Variants in REC114 observed in about 807,000 individuals in gnomAD.
REC114 encodes REC114 meiotic recombination protein.
A neutral mutation model predicts 31.3 loss-of-function variants in REC114; 27 were observed. The ratio of observed to expected loss-of-function variants is 0.86; its 90% CI spans 0.64 to 1.19. The LOEUF (loss-of-function observed/expected upper bound fraction) is 1.19, where lower values mean the gene tolerates loss of function less well. Ranked by LOEUF, REC114 falls within the 50% of genes most tolerant of loss-of-function variation. The pLI is 0.00. For missense variants in REC114, 344 were observed against 326.9 expected, an observed-to-expected ratio of 1.05 and a Z score of -0.40; for synonymous variants, 134 against 127.7, an observed-to-expected ratio of 1.05 and a Z score of -0.33.
At chr15:73,551,965 TATAA>T (rs1894399173) in intron 4 of REC114, among the ~76,000 whole-genome samples, 3 of 152,222 alleles carry the variant, frequency 2.0e-5, no homozygotes, top group Non-Finnish European at 4.4e-5. Flanking sequence ...TTTACTTGTT[TATAA>T]GTAATTACCT....
intron 3 of REC114, among the ~76,000 whole-genome samples, chr15:73,544,631 T>G (rs1894283912): frequency 1.3e-5 from 2 of 152,192 alleles, no homozygotes; most frequent in Admixed American, 6.5e-5. Flanking sequence ...ACAACCACTG[T>G]CCTCTTTACT....
At chr15:73,513,999 T>C (rs1054565326) in intron 2 of REC114, among the ~76,000 whole-genome samples, 127 of 152,136 alleles carry the variant, frequency 8.3e-4, no homozygotes, top group African/African-American at 2.9e-3. Context: ...GGCTGCTTTG[T>C]TTACCTAAGC....
At chr15:73,470,073 A>T in intron 1 of REC114, among the ~76,000 whole-genome samples, 1 of 151,992 alleles carries the variant, frequency 6.6e-6, no homozygotes, top group East Asian at 1.9e-4. Flanking sequence ...TTTTTTATCC[A>T]ATCTGACAAC....
intron 2 of REC114, among the ~76,000 whole-genome samples, chr15:73,479,152 G>A (rs993492144): frequency 8.6e-5 from 13 of 150,896 alleles, no homozygotes; most frequent in Non-Finnish European, 1.6e-4. Flanking sequence ...TAGGGGGAAA[G>A]CATTTAGTCT....
At chr15:73,450,612 A>G (rs996207949) in intron 1 of REC114, among the ~76,000 whole-genome samples, 6 of 152,202 alleles carry the variant, frequency 3.9e-5, no homozygotes, top group African/African-American at 1.4e-4. Flanking sequence ...CAGGACTTGA[A>G]CTCAGCTCTG....
At chr15:73,531,333 T>G (rs915816486) in intron 2 of REC114, among the ~76,000 whole-genome samples, 8 of 152,322 alleles carry the variant, frequency 5.3e-5, no homozygotes, top group African/African-American at 1.9e-4. Context: ...GCATCCATTT[T>G]CTTAGGTACT....
chr15:73,460,157 C>A (rs1892970813), intron 1 of REC114, among the ~76,000 whole-genome samples: 1 of 152,018 alleles, frequency 6.6e-6, no homozygotes, highest in Non-Finnish European at 1.5e-5. Flanking sequence ...TAAACAAAAT[C>A]TTAATTTTAT....
chr15:73,447,688 T>C (rs1007079172), intron 1 of REC114, among the ~76,000 whole-genome samples: 16 of 150,012 alleles, frequency 1.1e-4, no homozygotes, highest in African/African-American at 3.9e-4. Context: ...AATAAATAAA[T>C]AGGAAAATAC....
chr15:73,469,834 G>A (rs577872807), intron 1 of REC114, among the ~76,000 whole-genome samples: 16 of 151,892 alleles, frequency 1.1e-4, no homozygotes, highest in Non-Finnish European at 1.9e-4. Flanking sequence ...ACAGGTGCCC[G>A]CCACCATGCC....
At chr15:73,556,260 T>C in intron 4 of REC114, 42 bp from the exon 5 acceptor site, 2 of 1,532,836 alleles carry the variant, frequency 1.3e-6, no homozygotes, top group Non-Finnish European at 1.8e-6. Context: ...TATTTAAGAT[T>C]ACATTCAGCT....
At chr15:73,554,615 T>C (rs1413704421) in intron 4 of REC114, among the ~76,000 whole-genome samples, 1 of 152,148 alleles carries the variant, frequency 6.6e-6, no homozygotes, top group East Asian at 1.9e-4. Context: ...GGGAGGGGGA[T>C]GGGAAAGACA....
At chr15:73,471,819 A>C (rs1567857565) in intron 1 of REC114, among the ~76,000 whole-genome samples, 1 of 152,234 alleles carries the variant, frequency 6.6e-6, no homozygotes, top group Non-Finnish European at 1.5e-5. Flanking sequence ...TCATCATAGA[A>C]GGTATTCAAG....
chr15:73,525,486 T>C (rs1424281516), intron 2 of REC114, among the ~76,000 whole-genome samples: 1 of 152,084 alleles, frequency 6.6e-6, no homozygotes, highest in Non-Finnish European at 1.5e-5. Context: ...TAAGCTTTCC[T>C]TTGAGTACTA....
intron 2 of REC114, among the ~76,000 whole-genome samples, chr15:73,514,146 G>A (rs1235916258): frequency 1.3e-5 from 2 of 151,898 alleles, no homozygotes; most frequent in African/African-American, 2.4e-5. Flanking sequence ...TAGTCTCGTG[G>A]TGCGCCGTTT....
At chr15:73,509,360 G>A (rs1044221496) in intron 2 of REC114, among the ~76,000 whole-genome samples, 2 of 149,740 alleles carry the variant, frequency 1.3e-5, no homozygotes, top group Non-Finnish European at 2.9e-5. Flanking sequence ...CAGATGAGTA[G>A]GTTGCCAAAA....
At chr15:73,494,798 T>G (rs1893496034) in intron 2 of REC114, among the ~76,000 whole-genome samples, 1 of 152,206 alleles carries the variant, frequency 6.6e-6, no homozygotes, top group East Asian at 1.9e-4. Flanking sequence ...ACACTCTAAT[T>G]GGGTAGCTAA....
At chr15:73,531,995 TTTTA>T (rs1024138108) in intron 2 of REC114, among the ~76,000 whole-genome samples, 22 of 149,420 alleles carry the variant, frequency 1.5e-4, no homozygotes, top group East Asian at 2.0e-4. Context: ...TTTTTTTTTT[TTTTA>T]ATACTTTAAG....
intron 3 of REC114, among the ~76,000 whole-genome samples, chr15:73,546,217 A>G: frequency 6.6e-6 from 1 of 152,222 alleles, no homozygotes; most frequent in East Asian, 1.9e-4. Flanking sequence ...TATGTTGACA[A>G]AAATTTAAAA....
At position 73,555,526 on chromosome 15, in the gene REC114, G is replaced by A. The variant is rs151330746; in HGVS notation, c.547-776G>A. On this transcript the variant is annotated intron_variant, in intron 4 of 5. Coordinates refer to ENST00000331090, the MANE Select transcript of REC114 (RefSeq NM_001042367.2). ...ACCTTAGAGCATCCCTGTACTTCCTGCTTAGCATACAGCCCTCCAGTTTAC... is the reference window on the plus strand; with the variant it reads ...ACCTTAGAGCATCCCTGTACTTCCTACTTAGCATACAGCCCTCCAGTTTAC... Among the ~76,000 whole-genome samples the A allele has an allele frequency of 1.3e-3, 203 of 152,132 alleles. 2 individuals carry two copies. The highest frequency in any genetic ancestry group is 4.5e-3 in the African/African-American group (188 of 41,490).
Sources: allele counts gnomAD v4.1 joint callset (sites outside exome capture counted in the v4.1 genomes callset), GRCh38; gene constraint gnomAD v4.1.1; transcripts MANE v1.5; gene names NCBI Gene and HGNC (gene_info 2026-07-23, HGNC 2026-07-21).